Variants in MICAL2 observed in about 807,000 individuals in gnomAD.
MICAL2 encodes microtubule associated monooxygenase, calponin and LIM domain containing 2.
In MICAL2, 77 loss-of-function variants were observed where a neutral mutation model predicts 127.3. That is an observed-to-expected ratio of 0.60 (90% CI 0.50 to 0.73). The LOEUF (loss-of-function observed/expected upper bound fraction) is 0.73. Among genes scored for constraint, MICAL2 ranks in the 30% least tolerant of loss-of-function variants. The pLI is 0.00. For missense variants in MICAL2, 1,351 were observed against 1,434.4 expected (o/e 0.94, Z 0.94); for synonymous variants, 570 against 551.1 (o/e 1.03, Z -0.48).
chr11:12,353,473 A>G (rs1939085027), intron 33 of MICAL2, among the ~76,000 whole-genome samples: 1 of 150,766 alleles, frequency 6.6e-6, no homozygotes, highest in African/African-American at 2.5e-5. Context: ...TTCTTTATCT[A>G]TAGCCTTCCT....
Position 12,322,422 on chromosome 11 carries a change from C to T in MICAL2, c.5329-1556C>T, listed in dbSNP as rs149343396. On this transcript the variant is annotated intron_variant, in intron 30 of 34. Coordinates refer to the MICAL2 transcript ENST00000646065. ...CAATCTGGTAGTCATCTCATGGAAA[C>T]AGAGATGACATGATATGGAATAAGT... 5.7e-4 allele frequency among the ~76,000 whole-genome samples: 86 copies of T among 152,184 alleles called. No individual in the cohort carries two copies. The East Asian group carries it at 0.014, about 24-fold the overall frequency.
intron 3 of MICAL2, among the ~76,000 whole-genome samples, chr11:12,174,546 C>T (rs971517880): frequency 6.6e-6 from 1 of 151,942 alleles, no homozygotes; most frequent in Non-Finnish European, 1.5e-5. Context: ...ATATTCTATC[C>T]TATGTATGTA....
At chr11:12,298,256 G>A (rs1837326468) in intron 29 of MICAL2, among the ~76,000 whole-genome samples, 1 of 151,690 alleles carries the variant, frequency 6.6e-6, no homozygotes, top group African/African-American at 2.4e-5. Flanking sequence ...AGTTTTTGTT[G>A]CTATTGTCAA....
At chr11:12,195,697 A>G (rs1348921596) in intron 3 of MICAL2, among the ~76,000 whole-genome samples, 2 of 134,552 alleles carry the variant, frequency 1.5e-5, no homozygotes, top group East Asian at 2.2e-4. Context: ...ATTTTCTGCA[A>G]TAGATTTCTT....
chr11:12,210,427 C>G (rs1225121702), intron 6 of MICAL2, among the ~76,000 whole-genome samples: 1 of 152,172 alleles, frequency 6.6e-6, no homozygotes, highest in Non-Finnish European at 1.5e-5. Context: ...TGAGAGGATA[C>G]GTCACTCTGA....
At chr11:12,269,290 T>A (rs1251171461) in intron 24 of MICAL2, among the ~76,000 whole-genome samples, 1 of 152,134 alleles carries the variant, frequency 6.6e-6, no homozygotes, top group African/African-American at 2.4e-5. Context: ...CTTCCTGCCC[T>A]CCTCATTCAG....
At chr11:12,207,764 G>T (rs755643499) in intron 4 of MICAL2, 1 of 369,408 alleles carries the variant, frequency 2.7e-6, no homozygotes, top group Admixed American at 4.2e-5. Flanking sequence ...GCTCTGTGTC[G>T]CCTTGAGCAA....
exon 35 of MICAL2, chr11:12,358,401 A>C (rs1383782598): frequency 6.2e-7 from 1 of 1,614,204 alleles, no homozygotes; most frequent in Non-Finnish European, 8.5e-7. Context: ...TAGAGGAACA[A>C]CGCATCAGAG....
chr11:12,202,603 A>T (rs1166056474), intron 3 of MICAL2, among the ~76,000 whole-genome samples: 5 of 152,268 alleles, frequency 3.3e-5, no homozygotes, highest in Non-Finnish European at 5.9e-5. Flanking sequence ...AGGCAGGATT[A>T]GCTTTTCCGT....
At position 12,227,519 on chromosome 11, in the gene MICAL2, G is replaced by T. The variant is rs148197351; in HGVS notation, c.1995+388G>T. Among the ~76,000 whole-genome samples, 927 of 152,312 alleles carry T rather than the reference G, an allele frequency of 6.1e-3. 10 individuals are homozygous for T. Among genetic ancestry groups the T allele is most frequent in the African/African-American group, 0.021 (880 of 41,578 alleles). On this transcript the variant is annotated intron_variant, in intron 15 of 27. Coordinates refer to ENST00000683283, the MANE Select transcript of MICAL2 (RefSeq NM_001282663.2). The stretch of plus-strand genomic sequence containing the variant: ...AGTGGCAGAAGTGCATGGTGATGAT[G>T]CTCTGTTTACACATCTGTTCCATTA...
chr11:12,158,943 T>C (rs916816439), intron 2 of MICAL2, among the ~76,000 whole-genome samples: 3 of 152,184 alleles, frequency 2.0e-5, no homozygotes, highest in Non-Finnish European at 4.4e-5. Context: ...GGTGTTAGAG[T>C]CATTTTTAAG....
At chr11:12,206,255 G>T (rs1032991766) in intron 4 of MICAL2, among the ~76,000 whole-genome samples, 1 of 152,188 alleles carries the variant, frequency 6.6e-6, no homozygotes, top group African/African-American at 2.4e-5. Context: ...CCCTGGGCTG[G>T]TTGGGCTGGC....
At chr11:12,135,463 C>T (rs1298929871) in intron 1 of MICAL2, among the ~76,000 whole-genome samples, 3 of 152,148 alleles carry the variant, frequency 2.0e-5, no homozygotes. Flanking sequence ...CACTCTGATG[C>T]AGACAATAAC....
chr11:12,137,987 G>A (rs1481800087), intron 1 of MICAL2, among the ~76,000 whole-genome samples: 1 of 152,172 alleles, frequency 6.6e-6, no homozygotes, highest in African/African-American at 2.4e-5. Flanking sequence ...GTTTCACACT[G>A]GGGACTTGTT....
At chr11:12,210,800 C>T (rs1309700172) in intron 6 of MICAL2, among the ~76,000 whole-genome samples, 2 of 152,298 alleles carry the variant, frequency 1.3e-5, no homozygotes, top group Non-Finnish European at 2.9e-5. Flanking sequence ...TAGAGCAGGG[C>T]TTCTTAGTAT....
At chr11:12,264,679 G>C (rs1863539993), downstream of MICAL2, among the ~76,000 whole-genome samples, 1 of 152,182 alleles carries the variant, frequency 6.6e-6, no homozygotes, top group South Asian at 2.1e-4. Flanking sequence ...TCTACCTTCA[G>C]AGCTGCCTCA....
chr11:12,114,131 C>T (rs1849813656), intron 1 of MICAL2, among the ~76,000 whole-genome samples: 1 of 152,220 alleles, frequency 6.6e-6, no homozygotes, highest in Non-Finnish European at 1.5e-5. Context: ...CATTACCCAG[C>T]TTCCACAGTT....
intron 3 of MICAL2, among the ~76,000 whole-genome samples, chr11:12,179,372 CCT>C (rs1857181703): frequency 6.6e-6 from 1 of 152,134 alleles, no homozygotes; most frequent in African/African-American, 2.4e-5. Flanking sequence ...CCTCCTCGTA[CCT>C]CTCACCTTCT....
chr11:12,250,995 C>T (rs1861456824), intron 22 of MICAL2, among the ~76,000 whole-genome samples: 2 of 152,076 alleles, frequency 1.3e-5, no homozygotes, highest in African/African-American at 4.8e-5. Context: ...ATCGTGAGAA[C>T]CTGAGCAGTG....
Sources: gnomAD v4.1 joint callset for allele counts (sites outside exome capture counted in the v4.1 genomes callset) on GRCh38, gnomAD v4.1.1 for gene constraint, MANE v1.5 for transcripts, NCBI Gene and HGNC (gene_info 2026-07-23, HGNC 2026-07-21) for gene names.